The following CCDC88C variants were observed in gnomAD, a reference collection of about 807,000 sequenced individuals.
CCDC88C encodes coiled-coil and HOOK domain protein 88C.
In CCDC88C, 131 loss-of-function variants were observed where a neutral mutation model predicts 198.8. That is an observed-to-expected ratio of 0.66 (90% CI 0.57 to 0.76). The LOEUF (loss-of-function observed/expected upper bound fraction) is 0.76, where lower values mean the gene tolerates loss of function less well. Among genes scored for constraint, CCDC88C ranks in the 30% least tolerant of loss-of-function variants. The probability of loss-of-function intolerance (pLI) is 0.00; values close to 1 mark genes in which losing one functional copy is unlikely to be tolerated. For synonymous variants in CCDC88C, 1,166 were observed against 1,114.7 expected (o/e 1.05, Z -0.92); for missense variants, 2,553 against 2,631.6 (o/e 0.97, Z 0.65).
intron 4 of CCDC88C, among the ~76,000 whole-genome samples, chr14:91,358,450 A>G (rs1159537948): frequency 6.6e-6 from 1 of 152,188 alleles, no homozygotes; most frequent in Non-Finnish European, 1.5e-5. Flanking sequence ...AATGATGACA[A>G]GGTCTCCATC....
chr14:91,410,403 C>A (rs531089383), intron 2 of CCDC88C, among the ~76,000 whole-genome samples: 1 of 152,138 alleles, frequency 6.6e-6, no homozygotes, highest in Non-Finnish European at 1.5e-5. Flanking sequence ...TCAATGCCAT[C>A]TGGCTCATTC....
chr14:91,330,284 G>A (rs576367869), intron 10 of CCDC88C, among the ~76,000 whole-genome samples: 36 of 152,382 alleles, frequency 2.4e-4, no homozygotes, highest in African/African-American at 8.2e-4. Flanking sequence ...TGACCTGGCC[G>A]CAGAGTCGGA....
intron 26 of CCDC88C, among the ~76,000 whole-genome samples, chr14:91,282,790 G>A (rs975396960): frequency 1.3e-5 from 2 of 152,158 alleles, no homozygotes; most frequent in Non-Finnish European, 2.9e-5. Flanking sequence ...GCCAGGTGTA[G>A]TGGCTCAACA....
At chr14:91,357,625 G>C (rs546689827) in intron 4 of CCDC88C, among the ~76,000 whole-genome samples, 45 of 152,322 alleles carry the variant, frequency 3.0e-4, no homozygotes, top group Non-Finnish European at 5.3e-4. Flanking sequence ...CAGAACAACA[G>C]GACTAAGCTA....
intron 4 of CCDC88C, among the ~76,000 whole-genome samples, chr14:91,354,622 G>C (rs17127265): frequency 0.087 from 13,218 of 152,242 alleles, 718 homozygotes; most frequent in Middle Eastern, 0.16. Flanking sequence ...TTATCTATGA[G>C]AGCAAGTGGG....
chr14:91,335,176 G>A (rs766395378), intron 10 of CCDC88C, among the ~76,000 whole-genome samples: 7 of 152,158 alleles, frequency 4.6e-5, no homozygotes, highest in African/African-American at 7.2e-5. Flanking sequence ...TTCCTCATCC[G>A]GTGGGACTCA....
At position 91,308,103 on chromosome 14, in the gene CCDC88C, G is replaced by T. The variant is rs1309524445; in HGVS notation, c.3006+248C>A. Among the ~76,000 whole-genome samples the T allele has an allele frequency of 3.3e-5, 5 of 152,246 alleles. No individual in the cohort carries two copies. In the East Asian group the frequency reaches 7.7e-4, roughly 23 times the overall value. ...GCTCTCAGGGGTGTTCCCGTATCTTGCCTGGTGGACTTGGTGCTGCTCTAG... is the reference window on the plus strand; with the variant it reads ...GCTCTCAGGGGTGTTCCCGTATCTTTCCTGGTGGACTTGGTGCTGCTCTAG... On this transcript the variant is annotated intron_variant, in intron 17 of 29. Transcript: ENST00000389857.
chr14:91,345,961 G>A (rs551669139), intron 4 of CCDC88C, among the ~76,000 whole-genome samples: 3 of 151,844 alleles, frequency 2.0e-5, no homozygotes, highest in Non-Finnish European at 2.9e-5. Flanking sequence ...GTTCTTTTTC[G>A]TTATATCCTA....
chr14:91,372,111 G>T (rs567743887), intron 3 of CCDC88C, among the ~76,000 whole-genome samples: 29 of 152,318 alleles, frequency 1.9e-4, no homozygotes, highest in Non-Finnish European at 3.8e-4. Flanking sequence ...AGGGCAGGGA[G>T]AGCTCCTTGA....
chr14:91,274,501 G>A (rs1348262078), intron 29 of CCDC88C, among the ~76,000 whole-genome samples: 1 of 152,232 alleles, frequency 6.6e-6, no homozygotes, highest in Non-Finnish European at 1.5e-5. Context: ...AGAGAAGTGA[G>A]TTCATGGGGG....
At chr14:91,391,872 T>C (rs1050399031) in intron 3 of CCDC88C, among the ~76,000 whole-genome samples, 2 of 152,174 alleles carry the variant, frequency 1.3e-5, no homozygotes, top group African/African-American at 4.8e-5. Flanking sequence ...TTTAAAATTT[T>C]TACTCTACTC....
At chr14:91,350,020 G>A (rs1044424711) in intron 4 of CCDC88C, among the ~76,000 whole-genome samples, 1 of 152,034 alleles carries the variant, frequency 6.6e-6, no homozygotes, top group Non-Finnish European at 1.5e-5. Context: ...TCTGAACACA[G>A]CCCTCCACAG....
chr14:91,381,806 G>A lies in CCDC88C; in HGVS notation c.271-22095C>T, dbSNP rs899435286. Among the ~76,000 whole-genome samples, 4 of 149,956 alleles carry A rather than the reference G, an allele frequency of 2.7e-5. No individual in the cohort carries two copies. The highest frequency in any genetic ancestry group is 1.9e-4 in the East Asian group (1 of 5,136). On this transcript the variant is annotated intron_variant, in intron 3 of 29. Transcript: ENST00000389857. This position sits in a 1 kb window ranked among gnomAD's most constrained non-coding sequence, Gnocchi z 4.2. The stretch of plus-strand genomic sequence containing the variant: ...CCAAGATCGTGCCAGCCAGGGCAAC[G>A]GAGCAAGACTCTGTCTCGAAAAACA...
chr14:91,405,667 G>C (rs576358417), intron 3 of CCDC88C, among the ~76,000 whole-genome samples: 1 of 152,316 alleles, frequency 6.6e-6, no homozygotes, highest in Admixed American at 6.5e-5. Flanking sequence ...TTGTCTCTGG[G>C]TGCTGGGCTG....
At chr14:91,370,227 G>T (rs976836271) in intron 3 of CCDC88C, among the ~76,000 whole-genome samples, 1 of 152,192 alleles carries the variant, frequency 6.6e-6, no homozygotes, top group African/African-American at 2.4e-5. Context: ...GGACTCCACA[G>T]TCTCTAAAGG....
chr14:91,297,563 G>A (rs1206296300), intron 21 of CCDC88C, 72 bp from the exon 22 acceptor site: 2 of 1,462,658 alleles, frequency 1.4e-6, no homozygotes, highest in African/African-American at 2.8e-5. Flanking sequence ...AGAGACCTGG[G>A]CTATGTCCCA....
At chr14:91,401,375 C>T (rs570854875) in intron 3 of CCDC88C, among the ~76,000 whole-genome samples, 125 of 141,216 alleles carry the variant, frequency 8.9e-4, no homozygotes, top group Middle Eastern at 7.2e-3. Context: ...TACTCTGTCG[C>T]GCAGGCTGGA....
chr14:91,339,558 G>C lies in CCDC88C; in HGVS notation c.625-96C>G. 2 of 1,218,258 alleles carry C rather than the reference G, an allele frequency of 1.6e-6. No individual in the cohort carries two copies. The highest frequency in any genetic ancestry group is 1.1e-6 in the Non-Finnish European group (1 of 878,998). The allele number at this position is 1,218,258 out of a possible 1,614,324, so 75.5% of individuals were successfully genotyped here. On this transcript the variant is annotated intron_variant, in intron 7 of 29. Coordinates refer to ENST00000389857, the MANE Select transcript of CCDC88C (RefSeq NM_001080414.4). The surrounding 1 kb of genome is among the most constrained non-coding windows in gnomAD (Gnocchi z 5.8). Reference sequence around the variant, plus strand: ...AGGGTGAAGAAACCGCCAAAAGACAGATATTTCAGCGGAGACTAAGAAACG... The same window carrying C: ...AGGGTGAAGAAACCGCCAAAAGACACATATTTCAGCGGAGACTAAGAAACG...
intron 12 of CCDC88C, among the ~76,000 whole-genome samples, chr14:91,323,844 C>T (rs1202014459): frequency 1.3e-5 from 2 of 152,254 alleles, no homozygotes; most frequent in African/African-American, 2.4e-5. Flanking sequence ...CCCAGAACTA[C>T]GCACAGATAT....
Sources: gnomAD v4.1 joint callset for allele counts (sites outside exome capture counted in the v4.1 genomes callset) on GRCh38, gnomAD v4.1.1 for gene constraint, Gnocchi (gnomAD v3.1) non-coding constraint, MANE v1.5 for transcripts, NCBI Gene and HGNC (gene_info 2026-07-23, HGNC 2026-07-21) for gene names.